Variants in PRAG1 observed in about 807,000 individuals in gnomAD.
The protein encoded by PRAG1 is PEAK1 related, kinase-activating pseudokinase 1.
A neutral mutation model predicts 95.6 loss-of-function variants in PRAG1; 110 were observed. The observed-to-expected ratio is 1.15, with a 90% CI of 0.99 to 1.35. PRAG1 has a LOEUF of 1.35. PRAG1 is among the 40% of genes most tolerant of loss of function. The pLI, the probability that PRAG1 is intolerant of heterozygous loss-of-function variation, is 0.00. For synonymous variants in PRAG1, 1,052 were observed against 819.4 expected, an observed-to-expected ratio of 1.28 and a Z score of -4.85; for missense variants, 2,554 against 1,864.7, an observed-to-expected ratio of 1.37 and a Z score of -6.81.
chr8:8,359,605 C>T (rs1799786192), intron 3 of PRAG1, among the ~76,000 whole-genome samples: 1 of 152,150 alleles, frequency 6.6e-6, no homozygotes, highest in Admixed American at 6.5e-5. Flanking sequence ...GTTTGAGCAG[C>T]CCATCTTTAA....
intron 3 of PRAG1, 129 bp from the exon 4 acceptor site, chr8:8,339,764 A>G: frequency 1.1e-6 from 1 of 895,852 alleles, no homozygotes; most frequent in Non-Finnish European, 1.6e-6. Flanking sequence ...AAAAGAAAAA[A>G]AAAAGATTTT....
At chr8:8,323,630 G>GC (rs1308480725) in intron 5 of PRAG1, among the ~76,000 whole-genome samples, 1 of 152,158 alleles carries the variant, frequency 6.6e-6, no homozygotes, top group East Asian at 1.9e-4. Context: ...GGCTGCTTTT[G>GC]CCCCTTTTGC....
chr8:8,348,367 T>C (rs1799414733), intron 3 of PRAG1, among the ~76,000 whole-genome samples: 4 of 152,262 alleles, frequency 2.6e-5, no homozygotes, highest in Non-Finnish European at 4.4e-5. Flanking sequence ...TCAGGTCCTC[T>C]GTAGTGACAG....
At chr8:8,332,328 A>G (rs1224727063) in intron 4 of PRAG1, among the ~76,000 whole-genome samples, 3 of 151,648 alleles carry the variant, frequency 2.0e-5, no homozygotes, top group Non-Finnish European at 4.4e-5. Context: ...CGCCCAGCTA[A>G]TTTTTTGTAT....
chr8:8,338,160 C>G (rs1191008748), intron 4 of PRAG1, among the ~76,000 whole-genome samples: 1 of 152,212 alleles, frequency 6.6e-6, no homozygotes, highest in Non-Finnish European at 1.5e-5. Context: ...ATAAGAAGCA[C>G]TCATGTTCTG....
chr8:8,359,630 A>G (rs1799786755), intron 3 of PRAG1, among the ~76,000 whole-genome samples: 1 of 152,232 alleles, frequency 6.6e-6, no homozygotes, highest in African/African-American at 2.4e-5. Context: ...TCCTTCAATT[A>G]CAGGCTTTAA....
chr8:8,364,394 A>G (rs1161721046), intron 3 of PRAG1, among the ~76,000 whole-genome samples: 1 of 152,044 alleles, frequency 6.6e-6, no homozygotes, highest in Non-Finnish European at 1.5e-5. Flanking sequence ...TTACAAGAGC[A>G]CCTTACATGT....
intron 3 of PRAG1, among the ~76,000 whole-genome samples, chr8:8,350,638 G>A (rs1428487661): frequency 6.6e-6 from 1 of 152,114 alleles, no homozygotes; most frequent in African/African-American, 2.4e-5. Context: ...ACGGATTTCA[G>A]AGTCACCAAG....
chr8:8,324,253 G>A (rs1798562691), intron 5 of PRAG1, among the ~76,000 whole-genome samples: 1 of 152,202 alleles, frequency 6.6e-6, no homozygotes, highest in African/African-American at 2.4e-5. Flanking sequence ...CTTTTTCTCA[G>A]GGGTATGAAA....
chr8:8,333,056 T>A (rs986814047), intron 4 of PRAG1, among the ~76,000 whole-genome samples: 1 of 152,238 alleles, frequency 6.6e-6, no homozygotes, highest in African/African-American at 2.4e-5. Context: ...GCCAATATTC[T>A]CCAGACTTGG....
At chr8:8,339,938 G>C (rs928768362) in intron 3 of PRAG1, among the ~76,000 whole-genome samples, 1 of 152,152 alleles carries the variant, frequency 6.6e-6, no homozygotes, top group Admixed American at 6.5e-5. Context: ...CAAAACAGTT[G>C]TGTCACTTAT....
intron 4 of PRAG1, among the ~76,000 whole-genome samples, chr8:8,332,660 C>A (rs1798858477): frequency 6.7e-6 from 1 of 150,310 alleles, no homozygotes; most frequent in Admixed American, 6.6e-5. Flanking sequence ...TCCAGGCCTC[C>A]GAGGATCCTA....
intron 5 of PRAG1, among the ~76,000 whole-genome samples, chr8:8,323,925 T>G (rs558770310): frequency 7.2e-5 from 11 of 152,326 alleles, no homozygotes; most frequent in African/African-American, 2.6e-4. Context: ...GTAGATGATT[T>G]TGCAAATACA....
chr8:8,376,346 C>A lies in PRAG1; in HGVS notation c.2063G>T (p.Gly688Val), dbSNP rs1482194078. Residue 688 changes from glycine (G) to valine (V), a missense_variant, in exon 3 of 6, where the codon GGG becomes GTG. By Grantham distance (109) the Gly-to-Val change is moderately radical. Transcript: ENST00000615670. ...DGSSGQNSKV[G>V]TGMSKSASFA... ...AGAGGCGGATTTGCTCATCCCGGTC[C>A]CAACTTTGCTGTTCTGCCCAGAGGA... 6.2e-7 allele frequency: 1 copy of A among 1,614,188 alleles called. No homozygotes were observed. The highest frequency in any genetic ancestry group is 1.6e-4 in the Middle Eastern group (1 of 6,062).
At chr8:8,371,282 G>A (rs1376464706) in intron 3 of PRAG1, among the ~76,000 whole-genome samples, 1 of 151,506 alleles carries the variant, frequency 6.6e-6, no homozygotes, top group Non-Finnish European at 1.5e-5. Flanking sequence ...TTTTTTTGAG[G>A]TGGAGTCTCG....
intron 3 of PRAG1, among the ~76,000 whole-genome samples, chr8:8,367,684 C>T (rs943825221): frequency 3.3e-5 from 5 of 151,870 alleles, no homozygotes; most frequent in South Asian, 2.1e-4. Context: ...CTCTGTCACC[C>T]AGGCTGGAGT....
chr8:8,341,168 G>A (rs1799149931), intron 3 of PRAG1, among the ~76,000 whole-genome samples: 1 of 152,094 alleles, frequency 6.6e-6, no homozygotes, highest in South Asian at 2.1e-4. Flanking sequence ...GAGTTTCTTG[G>A]TCTTCAGGCC....
In PRAG1 at chr8:8,376,985, G is replaced by C. The variant is rs376732286; in HGVS notation, c.1424C>G (p.Thr475Arg). The C allele has an allele frequency of 6.2e-7, 1 of 1,613,642 alleles. No homozygotes were observed. The highest frequency in any genetic ancestry group is 8.5e-7 in the Non-Finnish European group (1 of 1,179,966). Residue 475 changes from threonine to arginine, a missense_variant, in exon 3 of 6, where the codon ACA becomes AGA. Physicochemically the swap from Thr to Arg is moderately conservative, Grantham distance 71 (BLOSUM62 -1). Transcript: ENST00000615670. ...CTCTTCCGGGTGGGCCGCCATGACT[G>C]TGATGGTGGCTGACACCTGGGGAGT... is the stretch of plus-strand genomic sequence containing the variant. Reference protein sequence around the residue: ...DPTPQVSATITVMAAHPEEDH... With the variant: ...DPTPQVSATIRVMAAHPEEDH...
In PRAG1 at chr8:8,377,632, G is replaced by A. The variant is rs1476493526; in HGVS notation, c.777C>T (p.Cys259=). The A allele has an allele frequency of 1.2e-6, 2 of 1,613,344 alleles. No homozygotes were observed. The highest frequency in any genetic ancestry group is 1.7e-6 in the Non-Finnish European group (2 of 1,179,952). The change falls in exon 3 of 6, where the codon TGC becomes TGT. Residue 259 remains cysteine (C), a synonymous_variant. Transcript: ENST00000615670. ...CCTTGGCAACAGGGCTCCCAGGGCAGCAGTCCAGGATGGAGCAGTACTCTC... is the reference window on the plus strand; with the variant it reads ...CCTTGGCAACAGGGCTCCCAGGGCAACAGTCCAGGATGGAGCAGTACTCTC... ...EGGEYCSILD[C]CPGSPVAKAA... is the part of the protein sequence containing the mutation.
Sources: gnomAD v4.1 joint callset for allele counts (sites outside exome capture counted in the v4.1 genomes callset) on GRCh38, gnomAD v4.1.1 for gene constraint, MANE v1.5 for transcripts, NCBI Gene and HGNC (gene_info 2026-07-23, HGNC 2026-07-21) for gene names.